The following SPAST variants were observed in gnomAD, a reference collection of about 807,000 sequenced individuals.
The protein encoded by SPAST is spastin.
Under a neutral mutation model 76.6 loss-of-function variants are expected in SPAST, and 30 were observed. The ratio of observed to expected loss-of-function variants is 0.39; its 90% confidence interval spans 0.29 to 0.53. The LOEUF (loss-of-function observed/expected upper bound fraction) is 0.53, where lower values mean the gene tolerates loss of function less well. SPAST is among the 20% of genes least tolerant of loss of function. The probability of loss-of-function intolerance (pLI) is 0.68; values close to 1 mark genes in which losing one functional copy is unlikely to be tolerated. For missense variants in SPAST, 717 were observed against 770.5 expected, an observed-to-expected ratio of 0.93 and a Z score of 0.82; for synonymous variants, 305 against 281.0, an observed-to-expected ratio of 1.09 and a Z score of -0.86.
chr2:32,073,115 T>G (rs1676818398), intron 1 of SPAST, among the ~76,000 whole-genome samples: 2 of 152,230 alleles, frequency 1.3e-5, no homozygotes, highest in Non-Finnish European at 2.9e-5. Context: ...TTGAATACAG[T>G]TAAACCCTAT....
intron 4 of SPAST, among the ~76,000 whole-genome samples, chr2:32,112,773 A>G (rs191547225): frequency 1.9e-3 from 288 of 152,172 alleles, no homozygotes; most frequent in African/African-American, 5.1e-3. Context: ...ACTAGTTTAG[A>G]GTCTTTAGTT....
intron 4 of SPAST, among the ~76,000 whole-genome samples, chr2:32,110,381 G>C (rs1678507733): frequency 6.7e-6 from 1 of 149,078 alleles, no homozygotes; most frequent in Admixed American, 6.7e-5. Context: ...GCCTCCCAAA[G>C]TGCTGGGATT....
In SPAST at chr2:32,063,975, G is replaced by A; in HGVS notation, c.144G>A (p.Arg48=). ...PAPPPESPHK[R]NLYYFSYPLF... ...CTCCGCCCGAGTCGCCGCATAAGCG[G>A]AACCTGTACTATTTCTCCTACCCGC... Residue 48 remains arginine, a synonymous_variant, in exon 1 of 17, where the codon CGG becomes CGA. Coordinates refer to ENST00000315285, the MANE Select transcript of SPAST (RefSeq NM_014946.4). 3 of 1,613,278 alleles carry A rather than the reference G, an allele frequency of 1.9e-6. No homozygotes were observed. The highest frequency in any genetic ancestry group is 2.5e-6 in the Non-Finnish European group (3 of 1,179,500).
intron 16 of SPAST, 124 bp downstream of exon 16, chr2:32,147,382 G>T (rs1358950235): frequency 7.9e-5 from 46 of 584,286 alleles, no homozygotes; most frequent in Non-Finnish European, 1.2e-4. Context: ...AGACAGTCTG[G>T]CATGATATCG....
chr2:32,154,540 G>A lies in SPAST; in HGVS notation c.*44G>A. On this transcript the variant is annotated 3_prime_UTR_variant, in exon 17 of 17. Coordinates refer to ENST00000315285, the MANE Select transcript of SPAST (RefSeq NM_014946.4). ...CTGCAGAACATTTTACTTAAAAGAG[G>A]AAACACAAGATCTTCAATGAACGTC... The A allele has an allele frequency of 6.3e-6, 10 of 1,598,760 alleles. No homozygotes were observed. Among genetic ancestry groups the A allele is most frequent in the Non-Finnish European group, 8.6e-6 (10 of 1,166,570 alleles).
chr2:32,144,614 G>A (rs769626219), intron 14 of SPAST, among the ~76,000 whole-genome samples: 2 of 152,110 alleles, frequency 1.3e-5, no homozygotes, highest in Non-Finnish European at 1.5e-5. Flanking sequence ...AGCTGGGTGC[G>A]GTGGCTCATG....
chr2:32,149,399 A>G (rs1274287874), intron 16 of SPAST, among the ~76,000 whole-genome samples: 2 of 152,020 alleles, frequency 1.3e-5, no homozygotes, highest in East Asian at 1.9e-4. Context: ...TGCCTGGCCA[A>G]TTTATTACCG....
Position 32,092,069 on chromosome 2 carries a change from T to A in SPAST, c.586+2464T>A, listed in dbSNP as rs540787537. Among the ~76,000 whole-genome samples, 7 of 152,296 alleles carry A rather than the reference T, an allele frequency of 4.6e-5. No homozygotes were observed. In the South Asian group the frequency reaches 1.2e-3, roughly 27 times the overall value. ...CCTCCTTTGCTTAGGTAGAAAGATATATTCATAAACACATACATATACATT... is the reference window on the plus strand; with the variant it reads ...CCTCCTTTGCTTAGGTAGAAAGATAAATTCATAAACACATACATATACATT... On this transcript the variant is annotated intron_variant, in intron 3 of 16. Transcript: ENST00000315285.
chr2:32,154,369 T>A lies in SPAST; in HGVS notation c.1729-5T>A, dbSNP rs752811455. ...TGTATTGTCATGTGCTTTTTAAAAA[T>A]CTAGATGAGAAATATTCGATTATCT... On this transcript the variant is annotated splice_polypyrimidine_tract_variant and splice_region_variant and intron_variant, in intron 16 of 16. Coordinates refer to ENST00000315285, the MANE Select transcript of SPAST (RefSeq NM_014946.4). The A allele has an allele frequency of 1.2e-6, 2 of 1,612,330 alleles. No individual in the cohort carries two copies. The highest frequency in any genetic ancestry group is 4.5e-5 in the East Asian group (2 of 44,850).
intron 16 of SPAST, among the ~76,000 whole-genome samples, chr2:32,150,138 T>G (rs1180194613): frequency 6.6e-6 from 1 of 150,580 alleles, no homozygotes; most frequent in Non-Finnish European, 1.5e-5. Context: ...AGTGGTGTGA[T>G]CTCAGCTCAC....
At chr2:32,125,269 G>A (rs1313722113) in intron 7 of SPAST, among the ~76,000 whole-genome samples, 1 of 151,668 alleles carries the variant, frequency 6.6e-6, no homozygotes, top group Non-Finnish European at 1.5e-5. Flanking sequence ...TGTTGCCCAG[G>A]CTGGAATACA....
chr2:32,128,143 C>A (rs1025346821), intron 8 of SPAST: 26 of 390,992 alleles, frequency 6.6e-5, no homozygotes, highest in African/African-American at 5.2e-4. Context: ...TACAGGCATG[C>A]GCCACCACGC....
In SPAST at chr2:32,130,978, G is replaced by T. The variant is rs116834874; in HGVS notation, c.1245+2499G>T. Among the ~76,000 whole-genome samples the T allele has an allele frequency of 6.4e-3, 978 of 152,274 alleles. 14 individuals carry two copies. Among genetic ancestry groups the T allele is most frequent in the African/African-American group, 0.023 (945 of 41,554 alleles). On this transcript the variant is annotated intron_variant, in intron 9 of 16. Transcript: ENST00000315285. ...CATGTATGGGAAACTTATTTGTAAG[G>T]TTGTATAATGAGCAGTGAGTTAAAG...
intron 16 of SPAST, among the ~76,000 whole-genome samples, chr2:32,148,051 A>C (rs773715656): frequency 3.1e-4 from 47 of 149,318 alleles, no homozygotes; most frequent in Non-Finnish European, 6.2e-4. Context: ...TCTTGTCTCA[A>C]ACTTTTTAGT....
At chr2:32,109,779 T>C (rs184449045) in intron 4 of SPAST, among the ~76,000 whole-genome samples, 149 of 149,056 alleles carry the variant, frequency 1.0e-3, no homozygotes, top group East Asian at 7.6e-3. Flanking sequence ...TATATGTATA[T>C]GCACATACAT....
At chr2:32,085,928 G>T (rs1677456717) in intron 1 of SPAST, among the ~76,000 whole-genome samples, 1 of 152,036 alleles carries the variant, frequency 6.6e-6, no homozygotes, top group Non-Finnish European at 1.5e-5. Context: ...TGTAACCCCA[G>T]CTACTCGGGA....
intron 9 of SPAST, among the ~76,000 whole-genome samples, chr2:32,130,799 A>T (rs1679347338): frequency 6.6e-6 from 1 of 151,826 alleles, no homozygotes; most frequent in African/African-American, 2.4e-5. Context: ...TTTCCATGAG[A>T]GGCTCAAAGG....
intron 12 of SPAST, among the ~76,000 whole-genome samples, chr2:32,138,428 G>A (rs1409726637): frequency 6.6e-6 from 1 of 152,088 alleles, no homozygotes; most frequent in Admixed American, 6.6e-5. Context: ...GCATTTTTCT[G>A]ATGGTTAGTG....
rs146831889 is a variant in SPAST, at chr2:32,109,211, C to T, written c.683-5427C>T. 6.0e-3 allele frequency among the ~76,000 whole-genome samples: 906 copies of T among 152,172 alleles called. 4 individuals carry two copies. Among genetic ancestry groups the T allele is most frequent in the Non-Finnish European group, 9.0e-3 (610 of 67,994 alleles). ...GCAACCTCTGCCTCCTGGGTTTAAG[C>T]GATTTTCCTGTCTCAGCCTCCCCGG... On this transcript the variant is annotated intron_variant, in intron 4 of 16. Coordinates refer to ENST00000315285, the MANE Select transcript of SPAST (RefSeq NM_014946.4).
Sources: allele counts gnomAD v4.1 joint callset (sites outside exome capture counted in the v4.1 genomes callset), GRCh38; gene constraint gnomAD v4.1.1; transcripts MANE v1.5; gene names NCBI Gene and HGNC (gene_info 2026-07-23, HGNC 2026-07-21).